Variants in SKIC3 observed in about 807,000 individuals in gnomAD.
SKIC3 encodes superkiller complex protein 3.
chr5:95,541,154 C>G, the SKIC3 span: 2 of 695,304 alleles, frequency 2.9e-6, no homozygotes, highest in Non-Finnish European at 5.1e-6. Context: ...TTAGTAGAGA[C>G]AGGGTTTCTC....
At chr5:95,482,576 T>G in the SKIC3 span, 1 of 1,614,064 alleles carries the variant, frequency 6.2e-7, no homozygotes. Flanking sequence ...TGGTTTACAC[T>G]GAACTTGTCT....
the SKIC3 span, among the ~76,000 whole-genome samples, chr5:95,495,904 T>C: frequency 3.3e-5 from 5 of 151,940 alleles, no homozygotes; most frequent in African/African-American, 4.8e-5. Context: ...CACTGAAAAA[T>C]TGACAAGATA....
chr5:95,472,216 C>G, the SKIC3 span, among the ~76,000 whole-genome samples: 1 of 152,212 alleles, frequency 6.6e-6, no homozygotes, highest in Admixed American at 6.5e-5. Context: ...CTGGATCTAA[C>G]AAACTCTGAG....
At chr5:95,528,521 G>A in the SKIC3 span, among the ~76,000 whole-genome samples, 3 of 152,298 alleles carry the variant, frequency 2.0e-5, no homozygotes, top group South Asian at 2.1e-4. Flanking sequence ...AGCTGAATTA[G>A]AATGGACCAA....
the SKIC3 span, among the ~76,000 whole-genome samples, chr5:95,546,612 T>A: frequency 6.6e-6 from 1 of 152,162 alleles, no homozygotes; most frequent in Non-Finnish European, 1.5e-5. Context: ...CACCTACTGA[T>A]GACTTCACTC....
the SKIC3 span, chr5:95,528,132 G>GCTGACAAA: frequency 1.9e-6 from 3 of 1,613,702 alleles, no homozygotes; most frequent in Non-Finnish European, 2.5e-6. Flanking sequence ...GACGCACCAA[G>GCTGACAAA]ATTATCTACG....
chr5:95,476,333 T>G, the SKIC3 span, among the ~76,000 whole-genome samples: 14 of 152,298 alleles, frequency 9.2e-5, no homozygotes, highest in East Asian at 2.5e-3. Context: ...CAATCTATCT[T>G]GATCTGATAT....
the SKIC3 span, chr5:95,509,505 TTCTCCCAACG>T: frequency 2.7e-4 from 266 of 992,716 alleles, 2 homozygotes; most frequent in Middle Eastern, 2.0e-3. Flanking sequence ...CTTCACCCGG[TTCTCCCAACG>T]CACAGGCCAG....
the SKIC3 span, among the ~76,000 whole-genome samples, chr5:95,535,374 T>C: frequency 1.4e-5 from 2 of 144,420 alleles, no homozygotes; most frequent in Non-Finnish European, 3.0e-5. Flanking sequence ...GCAGTGGCGC[T>C]ATCTCGGCTC....
At chr5:95,520,940 T>G in the SKIC3 span, 2 of 715,832 alleles carry the variant, frequency 2.8e-6, no homozygotes, top group Non-Finnish European at 4.8e-6. Flanking sequence ...CTTAACGGTG[T>G]GTTATAAAAT....
At chr5:95,539,795 GA>G in the SKIC3 span, among the ~76,000 whole-genome samples, 1 of 144,778 alleles carries the variant, frequency 6.9e-6, no homozygotes, top group Non-Finnish European at 1.5e-5. Flanking sequence ...AGTGAGCCGA[GA>G]TTGCACCACT....
At chr5:95,466,052 T>G in the SKIC3 span, among the ~76,000 whole-genome samples, 3 of 152,210 alleles carry the variant, frequency 2.0e-5, no homozygotes, top group Admixed American at 6.5e-5. Flanking sequence ...GCTTTTACGT[T>G]TCACCAAAAG....
the SKIC3 span, among the ~76,000 whole-genome samples, chr5:95,549,410 G>A: frequency 6.6e-6 from 1 of 152,006 alleles, no homozygotes; most frequent in Non-Finnish European, 1.5e-5. Context: ...CAGCAAATAG[G>A]AAGCCATTAG....
At chr5:95,548,474 C>G in the SKIC3 span, 2 of 152,060 alleles carry the variant, frequency 1.3e-5, no homozygotes, top group South Asian at 2.1e-4. Context: ...CCTAAATAGG[C>G]AGATAAGTAA....
At chr5:95,523,595 A>T in the SKIC3 span, 1 of 1,546,810 alleles carries the variant, frequency 6.5e-7, no homozygotes, top group Non-Finnish European at 8.8e-7. Flanking sequence ...ATATAAAAAT[A>T]TTTTCATTTA....
At chr5:95,552,194 G>A in the SKIC3 span, among the ~76,000 whole-genome samples, 1 of 152,098 alleles carries the variant, frequency 6.6e-6, no homozygotes, top group Non-Finnish European at 1.5e-5. Context: ...ACCATAAGAA[G>A]CATCTGTATT....
chr5:95,503,890 G>C, the SKIC3 span: 1 of 1,613,840 alleles, frequency 6.2e-7, no homozygotes, highest in East Asian at 2.2e-5. Flanking sequence ...ACACTTCAAG[G>C]GGTGTTGACT....
chr5:95,473,270 T>C, the SKIC3 span, among the ~76,000 whole-genome samples: 1 of 152,040 alleles, frequency 6.6e-6, no homozygotes, highest in Non-Finnish European at 1.5e-5. Context: ...CCAGCACCTG[T>C]TATTTTTGTT....
At chr5:95,467,936 G>A in the SKIC3 span, 1 of 1,613,534 alleles carries the variant, frequency 6.2e-7, no homozygotes, top group East Asian at 2.2e-5. Context: ...TGATGCAATA[G>A]ATTTGGGATA....
Sources: allele counts gnomAD v4.1 joint callset (sites outside exome capture counted in the v4.1 genomes callset), GRCh38; gene constraint gnomAD v4.1.1; transcripts MANE v1.5; gene names NCBI Gene and HGNC (gene_info 2026-07-23, HGNC 2026-07-21).